CNPY1: variants seen among roughly 807,000 people sequenced by gnomAD.
The protein encoded by CNPY1 is canopy FGF signaling regulator 1, also known as protein canopy homolog 1.
Under a neutral mutation model 14.4 loss-of-function variants are expected in CNPY1, and 14 were observed. The ratio of observed to expected loss-of-function variants is 0.97; its 90% confidence interval spans 0.64 to 1.52. CNPY1 has a LOEUF of 1.52. Ranked by LOEUF, CNPY1 falls within the 40% of genes most tolerant of loss-of-function variation. The probability of loss-of-function intolerance (pLI) is 0.00; values close to 1 mark genes in which losing one functional copy is unlikely to be tolerated. For missense variants in CNPY1, 129 were observed against 131.5 expected (o/e 0.98, Z 0.09); for synonymous variants, 43 against 46.5 (o/e 0.92, Z 0.31).
intron 2 of CNPY1, among the ~76,000 whole-genome samples, chr7:155,515,757 T>C (rs10238014): frequency 0.64 from 96,825 of 151,916 alleles, 31,140 homozygotes; most frequent in Middle Eastern, 0.76. Context: ...GCAGGGAGGG[T>C]AGAGCCTCTT....
intron 2 of CNPY1, among the ~76,000 whole-genome samples, chr7:155,526,688 G>T (rs192432274): frequency 6.6e-6 from 1 of 152,320 alleles, no homozygotes; most frequent in South Asian, 2.1e-4. Context: ...ATCTTTCACT[G>T]GTTAGATTAC....
Position 155,536,384 on chromosome 7 carries a change from A to T in CNPY1, c.99+9447T>A, listed in dbSNP as rs1441137091. ...TTTCAGGAAACTTCTCAGGTCACCA[A>T]ATGCATCCAGGGCCATACTGAGGTG... On this transcript the variant is annotated intron_variant, in intron 2 of 4. Transcript: ENST00000636446. The surrounding 1 kb of genome is among the most constrained non-coding windows in gnomAD (Gnocchi z 4.1). Among the ~76,000 whole-genome samples the T allele has an allele frequency of 2.0e-5, 3 of 152,076 alleles. No homozygotes were observed. Among genetic ancestry groups the T allele is most frequent in the Admixed American group, 1.3e-4 (2 of 15,276 alleles).
chr7:155,516,882 G>T (rs913618774), intron 2 of CNPY1, among the ~76,000 whole-genome samples: 5 of 152,236 alleles, frequency 3.3e-5, no homozygotes, highest in African/African-American at 1.2e-4. Context: ...CTTAGGTTGG[G>T]CTGAGCTGTC....
At position 155,525,266 on chromosome 7, in the gene CNPY1, C is replaced by T. The variant is rs577012816; in HGVS notation, c.100-16169G>A. ...TGCAATCTCGGCTCACTGCAACCTC[C>T]GCCTCCTGGGTTCAAGCGATTCTCC... On this transcript the variant is annotated intron_variant, in intron 2 of 4. Coordinates refer to ENST00000636446, the MANE Select transcript of CNPY1 (RefSeq NM_001393663.1). Among the ~76,000 whole-genome samples the T allele has an allele frequency of 9.9e-5, 15 of 152,212 alleles. 1 individual carries two copies. The South Asian group carries it at 1.5e-3, about 15-fold the overall frequency.
intron 4 of CNPY1, among the ~76,000 whole-genome samples, 193 bp from the exon 5 acceptor site, chr7:155,503,298 C>CCCAA (rs1201828346): frequency 6.6e-6 from 1 of 151,802 alleles, no homozygotes; most frequent in Non-Finnish European, 1.5e-5. Flanking sequence ...TCCCCTGCAC[C>CCCAA]CCAAACCCAG....
At chr7:155,537,808 T>A (rs1183167648) in intron 2 of CNPY1, among the ~76,000 whole-genome samples, 2 of 152,208 alleles carry the variant, frequency 1.3e-5, no homozygotes, top group African/African-American at 2.4e-5. Context: ...CTTTTTAGAA[T>A]AGGAATTTCT....
chr7:155,508,306 T>C (rs1796398643), intron 3 of CNPY1, among the ~76,000 whole-genome samples: 1 of 152,246 alleles, frequency 6.6e-6, no homozygotes, highest in African/African-American at 2.4e-5. Context: ...CTATCATACC[T>C]AAGCCTTTGT....
intron 2 of CNPY1, among the ~76,000 whole-genome samples, chr7:155,540,724 C>T (rs758143193): frequency 1.7e-4 from 26 of 152,156 alleles, no homozygotes; most frequent in Non-Finnish European, 3.5e-4. Context: ...ACACGGCTTG[C>T]CCTGGTCATC....
chr7:155,542,351 A>G (rs1326108529), intron 2 of CNPY1, among the ~76,000 whole-genome samples: 1 of 152,080 alleles, frequency 6.6e-6, no homozygotes, highest in Non-Finnish European at 1.5e-5. Context: ...CCCCCCAACC[A>G]TGGTCAGAGC....
At chr7:155,514,278 TTAAAA>T (rs1468947477) in intron 2 of CNPY1, among the ~76,000 whole-genome samples, 3 of 152,220 alleles carry the variant, frequency 2.0e-5, no homozygotes, top group East Asian at 1.9e-4. Context: ...TGCATAAAAA[TTAAAA>T]TAAAATTTTT....
intron 4 of CNPY1, chr7:155,506,495 A>T (rs79934504): frequency 0.035 from 5,381 of 153,864 alleles, 322 homozygotes; most frequent in African/African-American, 0.12. Context: ...CCAGAAAAAA[A>T]TTTTTTTTAA....
At chr7:155,545,048 G>A (rs1412412109) in intron 2 of CNPY1, among the ~76,000 whole-genome samples, 1 of 152,144 alleles carries the variant, frequency 6.6e-6, no homozygotes, top group Admixed American at 6.5e-5. Context: ...AGGAAGACAC[G>A]GACCCCACAC....
intron 2 of CNPY1, among the ~76,000 whole-genome samples, chr7:155,509,730 C>T (rs991452674): frequency 1.3e-5 from 2 of 152,188 alleles, no homozygotes; most frequent in African/African-American, 2.4e-5. Flanking sequence ...CGGACGGGCG[C>T]CCCATCTCCC....
chr7:155,527,546 A>G (rs1018215378), intron 2 of CNPY1, among the ~76,000 whole-genome samples: 1 of 132,166 alleles, frequency 7.6e-6, no homozygotes, highest in Non-Finnish European at 1.5e-5. Context: ...GGCTTAGATG[A>G]TCCTCCCTCC....
chr7:155,523,272 AG>A (rs2116720565), intron 2 of CNPY1, among the ~76,000 whole-genome samples: 1 of 152,346 alleles, frequency 6.6e-6, no homozygotes, highest in Non-Finnish European at 1.5e-5. Flanking sequence ...CGCCTGGATG[AG>A]AACAGTCTCA....
At chr7:155,528,785 G>A (rs1295900206) in intron 2 of CNPY1, among the ~76,000 whole-genome samples, 1 of 152,202 alleles carries the variant, frequency 6.6e-6, no homozygotes, top group Non-Finnish European at 1.5e-5. Context: ...TTTGGGCTGG[G>A]CGCGGTGGCT....
rs973183546 is a variant in CNPY1 at position 155,502,773 on chromosome 7, C to T, written c.*295G>A. ...AATCCCTATTTTGTTTATGAAATGTCTTCGCTTTTTTCCTCAATACAGAAT... is the reference window on the plus strand; with the variant it reads ...AATCCCTATTTTGTTTATGAAATGTTTTCGCTTTTTTCCTCAATACAGAAT... On this transcript the variant is annotated 3_prime_UTR_variant, in exon 5 of 5. Coordinates refer to ENST00000636446, the MANE Select transcript of CNPY1 (RefSeq NM_001393663.1). 8 of 399,084 alleles carry T rather than the reference C, an allele frequency of 2.0e-5. No homozygotes were observed. The highest frequency in any genetic ancestry group is 1.6e-4 in the African/African-American group (8 of 49,432). The allele number at this position is 399,084 out of a possible 1,614,324, so 24.7% of individuals were successfully genotyped here.
At chr7:155,517,774 C>T (rs541326283) in intron 2 of CNPY1, among the ~76,000 whole-genome samples, 4 of 152,252 alleles carry the variant, frequency 2.6e-5, no homozygotes, top group African/African-American at 9.6e-5. Context: ...AGCCACACAT[C>T]TTCTTGTCTT....
chr7:155,507,439 G>T (rs10215906), intron 3 of CNPY1, among the ~76,000 whole-genome samples: 12,422 of 118,696 alleles, frequency 0.1, 1,977 homozygotes, highest in African/African-American at 0.37. Context: ...ACCTCCTATC[G>T]AAGGAGCTGA....
Sources: gnomAD v4.1 joint callset for allele counts (sites outside exome capture counted in the v4.1 genomes callset) on GRCh38, gnomAD v4.1.1 for gene constraint, Gnocchi (gnomAD v3.1) non-coding constraint, MANE v1.5 for transcripts, NCBI Gene and HGNC (gene_info 2026-07-23, HGNC 2026-07-21) for gene names.